The following KLHDC4 variants were observed in gnomAD, a reference collection of about 807,000 sequenced individuals.
KLHDC4 encodes kelch domain containing 4, also known as kelch domain-containing protein 4.
Under a neutral mutation model 62.4 loss-of-function variants are expected in KLHDC4, and 90 were observed. That is an observed-to-expected ratio of 1.44 (90% CI 1.22 to 1.72). The LOEUF (loss-of-function observed/expected upper bound fraction) is 1.72, where lower values mean the gene tolerates loss of function less well. KLHDC4 is among the 40% of genes most tolerant of loss of function. The pLI, the probability that KLHDC4 is intolerant of heterozygous loss-of-function variation, is 0.00. For missense variants in KLHDC4, 1,025 were observed against 699.7 expected, an observed-to-expected ratio of 1.47 and a Z score of -5.25; for synonymous variants, 386 against 284.4, an observed-to-expected ratio of 1.36 and a Z score of -3.59.
In KLHDC4 at chr16:87,733,109, C is replaced by G. The variant is rs137912970; in HGVS notation, c.507-2465G>C. On this transcript the variant is annotated intron_variant, in intron 5 of 11. Coordinates refer to ENST00000270583, the MANE Select transcript of KLHDC4 (RefSeq NM_017566.4). ...AAGGCAGGTGCAAAGCAAATCCTAT[C>G]CCAGCTTCTATCGGTGAAAAGGCAG... Among the ~76,000 whole-genome samples, 599 of 150,614 alleles carry G rather than the reference C, an allele frequency of 4.0e-3. 5 individuals carry two copies. Among genetic ancestry groups the G allele is most frequent in the African/African-American group, 0.014 (555 of 40,624 alleles).
chr16:87,747,826 G>C (rs781547416), intron 5 of KLHDC4: 1 of 152,282 alleles, frequency 6.6e-6, no homozygotes. Flanking sequence ...ACATAACCAA[G>C]CCCGGGCTCC....
chr16:87,736,312 T>C (rs559455343), intron 5 of KLHDC4, among the ~76,000 whole-genome samples: 1 of 152,332 alleles, frequency 6.6e-6, no homozygotes, highest in East Asian at 1.9e-4. Context: ...TCTGATCATC[T>C]TAGCGGACCA....
intron 3 of KLHDC4, chr16:87,756,184 C>T (rs927451893): frequency 9.3e-6 from 4 of 432,320 alleles, no homozygotes; most frequent in African/African-American, 5.9e-5. Flanking sequence ...CAGCCTAAGT[C>T]CCAGGAATAG....
intron 5 of KLHDC4, among the ~76,000 whole-genome samples, chr16:87,741,443 G>T (rs12596601): frequency 0.051 from 7,754 of 152,280 alleles, 272 homozygotes; most frequent in East Asian, 0.15. Context: ...TGAGAACCCT[G>T]TTGTGGGCTG....
intron 5 of KLHDC4, among the ~76,000 whole-genome samples, chr16:87,739,265 C>G (rs1165051418): frequency 4.0e-5 from 5 of 126,232 alleles, no homozygotes; most frequent in Non-Finnish European, 5.0e-5. Context: ...ACACCAGCAT[C>G]TCATCCATCC....
rs958195914 is a variant in KLHDC4 at position 87,708,425 on chromosome 16, T to G, written c.1489A>C (p.Ser497Arg). 6.2e-7 allele frequency: 1 copy of G among 1,611,710 alleles called. No individual in the cohort carries two copies. Among genetic ancestry groups the G allele is most frequent in the Non-Finnish European group, 8.5e-7 (1 of 1,179,288 alleles). Residue 497 changes from serine to arginine, a missense_variant, in exon 11 of 12, where the codon AGT becomes CGT. By Grantham distance (110) the Ser-to-Arg change is moderately radical. Transcript: ENST00000270583. ...WLEETDSEED[S>R]EEVEGAEGGV... ...CCCTCGGCGCCCTCAACCTCCTCAC[T>G]GTCCTCTTCCGAGTCCGTCTCCTCC...
At chr16:87,763,893 C>T (rs60205221) in intron 1 of KLHDC4, among the ~76,000 whole-genome samples, 15,141 of 152,148 alleles carry the variant, frequency 0.1, 826 homozygotes, top group Non-Finnish European at 0.11. Flanking sequence ...ACGACTCAGA[C>T]GGAGTATGGT....
At chr16:87,724,348 C>G (rs982616602) in intron 7 of KLHDC4, among the ~76,000 whole-genome samples, 1 of 152,138 alleles carries the variant, frequency 6.6e-6, no homozygotes, top group African/African-American at 2.4e-5. Flanking sequence ...CCGCAATAAT[C>G]ACAAAAGAAA....
At chr16:87,735,487 G>A (rs953607200) in intron 5 of KLHDC4, among the ~76,000 whole-genome samples, 2 of 152,166 alleles carry the variant, frequency 1.3e-5, no homozygotes, top group Non-Finnish European at 2.9e-5. Context: ...CTGGGGCGGG[G>A]CCTCCTTTCA....
chr16:87,716,366 G>C (rs917978913), intron 7 of KLHDC4, among the ~76,000 whole-genome samples: 4 of 152,144 alleles, frequency 2.6e-5, no homozygotes, highest in Non-Finnish European at 5.9e-5. Context: ...GCTATGTCTC[G>C]TGGATACTGA....
chr16:87,701,829 C>T (rs757077956), exon 1 of KLHDC4: 1 of 456,726 alleles, frequency 2.2e-6, no homozygotes, highest in South Asian at 1.5e-5. Flanking sequence ...AGCTGCACCA[C>T]CACTGCTCGT....
chr16:87,718,232 C>A (rs1351414439), intron 7 of KLHDC4, among the ~76,000 whole-genome samples: 1 of 152,068 alleles, frequency 6.6e-6, no homozygotes, highest in African/African-American at 2.4e-5. Flanking sequence ...TTAGCATACA[C>A]CAAACCAGCT....
intron 5 of KLHDC4, among the ~76,000 whole-genome samples, chr16:87,743,708 C>G (rs1045541842): frequency 1.3e-5 from 2 of 151,932 alleles, no homozygotes; most frequent in Admixed American, 6.6e-5. Context: ...CCACTGCACT[C>G]CAGCCTGGGA....
intron 5 of KLHDC4, chr16:87,740,740 C>G (rs973914297): frequency 6.6e-6 from 1 of 152,208 alleles, no homozygotes; most frequent in Non-Finnish European, 1.5e-5. Flanking sequence ...CCTCCTCTTC[C>G]CAGCCCTTCC....
downstream of KLHDC4, among the ~76,000 whole-genome samples, chr16:87,706,719 C>T (rs1051148197): frequency 2.4e-4 from 36 of 152,260 alleles, no homozygotes; most frequent in African/African-American, 8.7e-4. Flanking sequence ...CACCCGGCTG[C>T]ACCAGGGAGC....
At chr16:87,701,438 G>A (rs150096824) in exon 1 of KLHDC4, 2 of 342,736 alleles carry the variant, frequency 5.8e-6, no homozygotes, top group African/African-American at 4.3e-5. Context: ...GAAACCCAAA[G>A]TGGAAGTGCC....
chr16:87,755,152 G>A (rs751869791), intron 4 of KLHDC4, 42 bp downstream of exon 4: 27 of 1,355,792 alleles, frequency 2.0e-5, no homozygotes, highest in African/African-American at 2.9e-5. Context: ...AGACTCCCAC[G>A]TGGGAAGAGG....
intron 1 of KLHDC4, among the ~76,000 whole-genome samples, chr16:87,764,307 A>C (rs759211428): frequency 6.6e-6 from 1 of 152,146 alleles, no homozygotes; most frequent in Non-Finnish European, 1.5e-5. Context: ...TACTGTTACA[A>C]TCACCTTAGT....
chr16:87,752,038 C>T (rs1163500697), intron 4 of KLHDC4, among the ~76,000 whole-genome samples: 3 of 129,224 alleles, frequency 2.3e-5, no homozygotes, highest in East Asian at 4.9e-4. Flanking sequence ...TGCAGTGAGC[C>T]GAGATCGCGC....
Sources: allele counts gnomAD v4.1 joint callset (sites outside exome capture counted in the v4.1 genomes callset), GRCh38; gene constraint gnomAD v4.1.1; transcripts MANE v1.5; gene names NCBI Gene and HGNC (gene_info 2026-07-23, HGNC 2026-07-21).